KIF5C: variants seen among roughly 807,000 people sequenced by gnomAD.
KIF5C encodes the protein kinesin heavy chain isoform 5C.
In KIF5C, 18 loss-of-function variants were observed where a neutral mutation model predicts 125.2. The observed-to-expected ratio is 0.14, with a 90% CI of 0.10 to 0.21. KIF5C has a LOEUF of 0.21. Ranked by LOEUF, KIF5C falls within the 10% of genes least tolerant of loss-of-function variation. The pLI is 1.00. For synonymous variants in KIF5C, 405 were observed against 434.0 expected, an observed-to-expected ratio of 0.93 and a Z score of 0.83; for missense variants, 780 against 1,183.8, an observed-to-expected ratio of 0.66 and a Z score of 5.01.
In KIF5C at chr2:148,921,916, AT is replaced by A. The variant is rs562895264; in HGVS notation, c.127-214del. Among the ~76,000 whole-genome samples, 926 of 152,198 alleles carry A rather than the reference AT, an allele frequency of 6.1e-3. 3 individuals carry two copies. The highest frequency in any genetic ancestry group is 0.021 in the African/African-American group (880 of 41,520). On this transcript the variant is annotated intron_variant, in intron 1 of 25. Coordinates refer to ENST00000435030, the MANE Select transcript of KIF5C (RefSeq NM_004522.3). ...TCATTTAAAAAGTGGTTCAATTTAA[AT>A]TTTTTTAAAATCTCAGATTCTCAAC...
chr2:148,930,020 A>C (rs1394054951), intron 3 of KIF5C, among the ~76,000 whole-genome samples: 1 of 152,184 alleles, frequency 6.6e-6, no homozygotes, highest in East Asian at 1.9e-4. Flanking sequence ...GCTGTCACCT[A>C]GGAGAAGTTT....
chr2:148,895,747 C>T (rs539232466), intron 1 of KIF5C, among the ~76,000 whole-genome samples: 23 of 151,950 alleles, frequency 1.5e-4, no homozygotes, highest in Non-Finnish European at 2.8e-4. Flanking sequence ...AGCCCAAGAT[C>T]GAGGTGCCAA....
intron 3 of KIF5C, among the ~76,000 whole-genome samples, chr2:148,934,077 A>G (rs1682233405): frequency 7.0e-6 from 1 of 143,500 alleles, no homozygotes. Context: ...TCATAAACAC[A>G]CACAGACATA....
At chr2:148,966,362 G>A (rs544482426) in intron 11 of KIF5C, among the ~76,000 whole-genome samples, 3,752 of 149,276 alleles carry the variant, frequency 0.025, 136 homozygotes, top group African/African-American at 0.079. Context: ...GTGCGCGCGC[G>A]CACACACACA....
At chr2:148,896,420 G>C (rs948478457) in intron 1 of KIF5C, among the ~76,000 whole-genome samples, 4 of 152,148 alleles carry the variant, frequency 2.6e-5, no homozygotes, top group Non-Finnish European at 5.9e-5. Context: ...ATATCCAGCT[G>C]CTTCTTTCAC....
At chr2:148,910,974 A>G (rs887560143) in intron 1 of KIF5C, among the ~76,000 whole-genome samples, 1 of 152,188 alleles carries the variant, frequency 6.6e-6, no homozygotes, top group Admixed American at 6.5e-5. Context: ...GGGGATAGTG[A>G]AAGGAAGAGG....
intron 1 of KIF5C, among the ~76,000 whole-genome samples, chr2:148,908,512 G>A (rs1482181311): frequency 6.6e-6 from 1 of 152,164 alleles, no homozygotes; most frequent in Admixed American, 6.5e-5. Flanking sequence ...AGCGTAGTAG[G>A]AGAGGGGTTA....
chr2:148,878,512 C>T (rs1389130712), intron 1 of KIF5C: 1 of 152,086 alleles, frequency 6.6e-6, no homozygotes, highest in African/African-American at 2.4e-5. Flanking sequence ...TATGAACATT[C>T]GTTTATGTAT....
rs1313863648 is a variant in KIF5C, at chr2:149,023,152, T to A, written c.*82T>A. 6.7e-6 allele frequency: 1 copy of A among 149,750 alleles called. No homozygotes were observed. Among genetic ancestry groups the A allele is most frequent in the South Asian group, 2.1e-4 (1 of 4,714 alleles). 9.3% of individuals were successfully genotyped at this position (149,750 alleles called of 1,614,324 possible). A position where few individuals can be genotyped will look rare whatever the true frequency, so the allele number is the denominator to read the frequency against. The stretch of plus-strand genomic sequence containing the variant: ...TATTTTTCCCCCCCTACAGTTTCCA[T>A]TTTTTTTTTATACTTGCTTACTCCA... On this transcript the variant is annotated 3_prime_UTR_variant, in exon 26 of 26. Transcript: ENST00000435030.
chr2:148,945,864 A>G (rs1255489046), intron 7 of KIF5C, among the ~76,000 whole-genome samples: 1 of 152,172 alleles, frequency 6.6e-6, no homozygotes, highest in African/African-American at 2.4e-5. Context: ...AAAATATGTC[A>G]TTGAAATTTT....
chr2:148,924,717 A>G lies in KIF5C; in HGVS notation c.217+2490A>G, dbSNP rs1296758970. Among the ~76,000 whole-genome samples the G allele has an allele frequency of 2.0e-5, 3 of 152,196 alleles. No individual in the cohort carries two copies. The highest frequency in any genetic ancestry group is 4.8e-5 in the African/African-American group (2 of 41,444). ...GGTAACTGGATGCTATTATTGAAGT[A>G]CTGTAACTATGTCCCAGCCTACAGA... On this transcript the variant is annotated intron_variant, in intron 2 of 25. Coordinates refer to ENST00000435030, the MANE Select transcript of KIF5C (RefSeq NM_004522.3). This position sits in a 1 kb window ranked among gnomAD's most constrained non-coding sequence, Gnocchi z 4.0.
chr2:149,011,895 G>A (rs1469426139), intron 25 of KIF5C, among the ~76,000 whole-genome samples: 7 of 152,210 alleles, frequency 4.6e-5, no homozygotes, highest in Non-Finnish European at 1.0e-4. Context: ...GGGGCCCATG[G>A]GACCTGGAGC....
intron 1 of KIF5C, among the ~76,000 whole-genome samples, chr2:148,885,241 C>A (rs1359338034): frequency 6.6e-6 from 1 of 152,184 alleles, no homozygotes; most frequent in Non-Finnish European, 1.5e-5. Flanking sequence ...CTGCCTTGGC[C>A]TCCCAAAGTG....
chr2:149,022,796 C>G (rs1391550068), intron 25 of KIF5C, among the ~76,000 whole-genome samples: 1 of 152,106 alleles, frequency 6.6e-6, no homozygotes, highest in African/African-American at 2.4e-5. Context: ...TGGTGGCAAA[C>G]CCTTGTAATC....
chr2:148,990,983 T>C, intron 15 of KIF5C, 27 bp from the exon 16 acceptor site: 2 of 1,601,140 alleles, frequency 1.2e-6, no homozygotes, highest in Non-Finnish European at 1.7e-6. Flanking sequence ...GTGGGCAACA[T>C]TTGAGTGTGT....
intron 14 of KIF5C, 134 bp downstream of exon 14, chr2:148,981,695 G>T: frequency 7.2e-7 from 1 of 1,386,770 alleles, no homozygotes. Context: ...ATTCTCTGAG[G>T]TCCCTCCAAC....
At chr2:148,987,338 A>G (rs1419916226) in intron 15 of KIF5C, among the ~76,000 whole-genome samples, 1 of 152,142 alleles carries the variant, frequency 6.6e-6, no homozygotes, top group Non-Finnish European at 1.5e-5. Context: ...GGTGAAGCAG[A>G]GGATATGAAG....
intron 1 of KIF5C, among the ~76,000 whole-genome samples, chr2:148,884,782 A>C (rs1415808989): frequency 6.6e-6 from 1 of 152,184 alleles, no homozygotes; most frequent in Non-Finnish European, 1.5e-5. Flanking sequence ...TCAGAAGGCT[A>C]GGTACTGTTC....
chr2:148,944,741 A>G (rs901805239), intron 7 of KIF5C, among the ~76,000 whole-genome samples: 1 of 152,306 alleles, frequency 6.6e-6, no homozygotes, highest in African/African-American at 2.4e-5. Flanking sequence ...ACGATTTTCT[A>G]TAGCAGCTGT....
Sources: allele counts gnomAD v4.1 joint callset (sites outside exome capture counted in the v4.1 genomes callset), GRCh38; gene constraint gnomAD v4.1.1; non-coding constraint Gnocchi (gnomAD v3.1); transcripts MANE v1.5; gene names NCBI Gene and HGNC (gene_info 2026-07-23, HGNC 2026-07-21).